Variants in KCNT1 observed in about 807,000 individuals in gnomAD.
KCNT1 encodes potassium channel subfamily T member 1.
A neutral mutation model predicts 147.8 loss-of-function variants in KCNT1; 78 were observed. The ratio of observed to expected loss-of-function variants is 0.53; its 90% confidence interval spans 0.44 to 0.64. KCNT1 has a LOEUF of 0.64. KCNT1 is among the 30% of genes least tolerant of loss of function. The pLI is 0.00. For missense variants in KCNT1, 1,419 were observed against 1,750.3 expected, an observed-to-expected ratio of 0.81 and a Z score of 3.38; for synonymous variants, 867 against 748.8, an observed-to-expected ratio of 1.16 and a Z score of -2.58.
At chr9:135,788,051 TTCTC>T (rs200386590) in intron 29 of KCNT1, 597 of 1,344,604 alleles carry the variant, frequency 4.4e-4, no homozygotes, top group Non-Finnish European at 5.1e-4. Flanking sequence ...CTTGCTGATA[TTCTC>T]TCTCTCTCTC....
chr9:135,788,010 C>T, intron 29 of KCNT1: 1 of 962,710 alleles, frequency 1.0e-6, no homozygotes. Context: ...TGCCCCTGCA[C>T]CCGCCCACTG....
chr9:135,731,993 G>T (rs2385150), intron 2 of KCNT1, among the ~76,000 whole-genome samples: 1,914 of 16,662 alleles, frequency 0.11, 10 homozygotes, highest in Middle Eastern at 0.15. Flanking sequence ...TATATATATA[G>T]AGAGAGAGAG....
chr9:135,777,243 C>A, intron 20 of KCNT1, 95 bp from the exon 21 acceptor site: 1 of 1,348,578 alleles, frequency 7.4e-7, no homozygotes. Context: ...GCTGGGTGTT[C>A]ACGGGGGATG....
intron 9 of KCNT1, among the ~76,000 whole-genome samples, chr9:135,757,768 G>C (rs1831592372): frequency 6.6e-6 from 1 of 152,134 alleles, no homozygotes; most frequent in South Asian, 2.1e-4. Context: ...GGAAACCTGG[G>C]CCACGGGGCC....
chr9:135,770,437 G>A lies in KCNT1; in HGVS notation c.1759G>A (p.Ala587Thr), dbSNP rs144421853. 2.5e-5 allele frequency: 41 copies of A among 1,611,260 alleles called. No homozygotes were observed. The highest frequency in any genetic ancestry group is 1.3e-5 in the African/African-American group (1 of 74,882). ...GAGCTTCACCTACGCGGCCTTCCACGCCCACAAGAAGTAAGGCCGGGCTGC... is the reference window on the plus strand; with the variant it reads ...GAGCTTCACCTACGCGGCCTTCCACACCCACAAGAAGTAAGGCCGGGCTGC... ...GKSFTYAAFHAHKKYGVCLIG... is the reference protein window; with the variant it reads ...GKSFTYAAFHTHKKYGVCLIG... The change falls in exon 17 of 31, where the codon GCC becomes ACC. Residue 587 changes from alanine (A) to threonine (T), a missense_variant. Ala to Thr is a moderately conservative substitution (Grantham distance 58). Coordinates refer to ENST00000371757, the MANE Select transcript of KCNT1 (RefSeq NM_020822.3).
chr9:135,758,481 G>A lies in KCNT1; in HGVS notation c.827G>A (p.Cys276Tyr). The change falls in exon 10 of 31, where the codon TGC (cysteine) becomes TAC (tyrosine). Residue 276 changes from cysteine (C) to tyrosine (Y), a missense_variant. Transcript: ENST00000371757. The part of the protein sequence containing the change: ...AMFNQVLILF[C>Y]TLLCLVFTGT... Reference sequence around the variant, plus strand: ...TTCAACCAGGTCCTCATCCTCTTCTGCACCCTGCTGTGCCTCGTTTTCACG... The same window carrying A: ...TTCAACCAGGTCCTCATCCTCTTCTACACCCTGCTGTGCCTCGTTTTCACG... The A allele has an allele frequency of 6.2e-7, 1 of 1,613,574 alleles. No homozygotes were observed. The highest frequency in any genetic ancestry group is 8.5e-7 in the Non-Finnish European group (1 of 1,179,942).
At position 135,772,814 on chromosome 9, in the gene KCNT1, C is replaced by A; in HGVS notation, c.2108C>A (p.Ser703Ter). 1 of 1,517,144 alleles carries A rather than the reference C, an allele frequency of 6.6e-7. No individual in the cohort carries two copies. Among genetic ancestry groups the A allele is most frequent in the South Asian group, 1.3e-5 (1 of 78,388 alleles). The allele number at this position is 1,517,144 out of a possible 1,614,324, so 94.0% of individuals were successfully genotyped here. A position where few individuals can be genotyped will look rare whatever the true frequency, so the allele number is the denominator to read the frequency against. The change falls in exon 19 of 31, where the codon TCG becomes TAG. Residue 703 changes from serine to a stop codon, truncating the protein, a stop_gained. Coordinates refer to ENST00000371757, the MANE Select transcript of KCNT1 (RefSeq NM_020822.3). LOFTEE classifies it high-confidence loss of function. ...CTGGCACTGCCCACGGAGAACGGCT[C>A]GGGCAGCCGGCGGCCCAGCATCGCG... ...SKLALPTENGSGSRRPSIAPV... is the reference protein window; with the variant it reads ...SKLALPTENG
chr9:135,705,828 C>T (rs1349629063), intron 1 of KCNT1, among the ~76,000 whole-genome samples: 1 of 150,206 alleles, frequency 6.7e-6, no homozygotes, highest in Non-Finnish European at 1.5e-5. Context: ...GCAGAGGCCG[C>T]GAGCTTCCTG....
intron 17 of KCNT1, 119 bp from the exon 18 acceptor site, chr9:135,770,738 C>A: frequency 9.7e-7 from 1 of 1,035,974 alleles, no homozygotes; most frequent in Non-Finnish European, 1.4e-6. Context: ...CCCAAATGGC[C>A]CCCAGGAGGA....
chr9:135,782,484 G>A (rs550112942), intron 24 of KCNT1, among the ~76,000 whole-genome samples: 112 of 152,310 alleles, frequency 7.4e-4, no homozygotes, highest in African/African-American at 2.5e-3. Flanking sequence ...GGGGCTGCAC[G>A]GTGCCTGTCC....
chr9:135,779,286 T>G, intron 23 of KCNT1, 73 bp from the exon 24 acceptor site: 2 of 438,068 alleles, frequency 4.6e-6, no homozygotes, highest in Admixed American at 5.3e-5. Context: ...CACAGCCACA[T>G]GATCATGGGC....
At chr9:135,726,748 CCTCCCTCT>C (rs1248463754) in intron 2 of KCNT1, among the ~76,000 whole-genome samples, 2 of 119,816 alleles carry the variant, frequency 1.7e-5, no homozygotes, top group East Asian at 2.8e-4. Flanking sequence ...TCCCTCTCTC[CCTCCCTCT>C]CTCCCTCTCT....
At chr9:135,711,589 C>T (rs759589372) in intron 1 of KCNT1, among the ~76,000 whole-genome samples, 26 of 152,220 alleles carry the variant, frequency 1.7e-4, no homozygotes, top group African/African-American at 2.2e-4. Context: ...GCACAGCTGC[C>T]GGGCTCCCCT....
At position 135,768,871 on chromosome 9, in the gene KCNT1, G is replaced by GCC. The variant is rs770640819; in HGVS notation, c.1448_1449dup (p.Asn484ProfsTer37). ...GCGCGCCTGGGCCGTGAAGGACTTC[G>GCC]CCCCCAACTGCCCCCTCTACGTCCA... On this transcript the variant is annotated frameshift_variant, in exon 15 of 31. Transcript: ENST00000371757. LOFTEE classifies it high-confidence loss of function. The GCC allele has an allele frequency of 6.2e-7, 1 of 1,613,244 alleles. No individual in the cohort carries two copies. The highest frequency in any genetic ancestry group is 1.7e-5 in the Admixed American group (1 of 60,004).
chr9:135,786,699 G>A (rs562618648), intron 29 of KCNT1, among the ~76,000 whole-genome samples, 178 bp downstream of exon 29: 44 of 152,366 alleles, frequency 2.9e-4, no homozygotes, highest in Non-Finnish European at 4.7e-4. Context: ...GCCAGCTGTG[G>A]GCACCACCAC....
In KCNT1 at chr9:135,732,040, A is replaced by G. The variant is rs1228450533; in HGVS notation, c.254+17320A>G. Among the ~76,000 whole-genome samples the G allele has an allele frequency of 5.9e-4, 80 of 135,392 alleles. 1 individual carries two copies. The highest frequency in any genetic ancestry group is 1.7e-3 in the African/African-American group (61 of 36,824). The allele number at this position is 135,392 out of a possible 152,430, so 88.8% of individuals were successfully genotyped here. A position where few individuals can be genotyped will look rare whatever the true frequency, so the allele number is the denominator to read the frequency against. ...GAGAGAGAGAGAGAGAGAGAGAGAG[A>G]GGGAGTCTCACTCTGTCATCCAGGC... is the stretch of plus-strand genomic sequence containing the variant. On this transcript the variant is annotated intron_variant, in intron 2 of 30. Transcript: ENST00000371757.
intron 2 of KCNT1, among the ~76,000 whole-genome samples, chr9:135,726,894 C>CCTCT (rs373795828): frequency 2.3e-5 from 1 of 43,590 alleles, no homozygotes; most frequent in Non-Finnish European, 4.6e-5. Context: ...TCCCTCTCTC[C>CCTCT]CTCTTTCCCA....
chr9:135,767,987 CACTCGGGGGACAGGTGTG>C (rs1832405972), intron 13 of KCNT1, among the ~76,000 whole-genome samples: 2 of 151,318 alleles, frequency 1.3e-5, no homozygotes, highest in East Asian at 2.0e-4. Flanking sequence ...AGCCTGCACA[CACTCGGGGGACAGGTGTG>C]GCTCCTGACC....
Position 135,764,548 on chromosome 9 carries a change from C to T in KCNT1, c.1036-483C>T, listed in dbSNP as rs375515627. Among the ~76,000 whole-genome samples the T allele has an allele frequency of 1.1e-3, 164 of 152,294 alleles. 2 individuals are homozygous for T. Among genetic ancestry groups the T allele is most frequent in the African/African-American group, 3.6e-3 (150 of 41,560 alleles). ...GTGGCCTCTGTTTTGGATCTGTCCC[C>T]TTTGAGTCTCAACACCCAGAGCTTG... On this transcript the variant is annotated intron_variant, in intron 11 of 30. Transcript: ENST00000371757.
Sources: gnomAD v4.1 joint callset for allele counts (sites outside exome capture counted in the v4.1 genomes callset) on GRCh38, gnomAD v4.1.1 for gene constraint, MANE v1.5 for transcripts, NCBI Gene and HGNC (gene_info 2026-07-23, HGNC 2026-07-21) for gene names.